Variants in FGD3 observed in about 807,000 individuals in gnomAD.
The protein encoded by FGD3 is FYVE, RhoGEF and PH domain containing 3, also known as FYVE, RhoGEF and PH domain-containing protein 3.
In FGD3, 45 loss-of-function variants were observed where a neutral mutation model predicts 71.8. The observed-to-expected ratio is 0.63, with a 90% confidence interval of 0.49 to 0.80. The LOEUF is 0.80. FGD3 is among the 30% of genes least tolerant of loss of function. The pLI, the probability that FGD3 is intolerant of heterozygous loss-of-function variation, is 0.00. For missense variants in FGD3, 844 were observed against 951.5 expected (o/e 0.89, Z 1.49); for synonymous variants, 378 against 392.8 (o/e 0.96, Z 0.44).
At chr9:92,959,126 ATTT>A (rs1049232077) in intron 1 of FGD3, among the ~76,000 whole-genome samples, 1 of 151,848 alleles carries the variant, frequency 6.6e-6, no homozygotes, top group African/African-American at 2.4e-5. Context: ...TGCCTGGCTA[ATTT>A]TTTGTATTTT....
chr9:92,983,386 G>A (rs1345940742), intron 3 of FGD3, among the ~76,000 whole-genome samples: 2 of 151,014 alleles, frequency 1.3e-5, no homozygotes, highest in Non-Finnish European at 3.0e-5. Flanking sequence ...TTAGCCAGGC[G>A]AGGTGGCGGG....
intron 3 of FGD3, among the ~76,000 whole-genome samples, chr9:92,981,386 A>G (rs966049155): frequency 4.1e-5 from 6 of 146,462 alleles, no homozygotes; most frequent in Non-Finnish European, 9.0e-5. Flanking sequence ...AAAAAAAAAG[A>G]AAAAAAAGAA....
intron 1 of FGD3, among the ~76,000 whole-genome samples, chr9:92,961,271 T>G (rs1180293037): frequency 1.3e-5 from 2 of 152,144 alleles, no homozygotes; most frequent in Non-Finnish European, 2.9e-5. Flanking sequence ...AGCAGCACCC[T>G]TGAGGGACAG....
rs138536292 is a variant in FGD3, at chr9:92,961,816, G to T, written c.-217-13422G>T. On this transcript the variant is annotated intron_variant, in intron 1 of 17. Coordinates refer to ENST00000375482, the MANE Select transcript of FGD3 (RefSeq NM_001083536.2). ...CTGGGGCCTTAGTTCCTCTCCGCATGGGCCTCTCTGCAGGGCTGCTTGAGC... is the reference window on the plus strand; with the variant it reads ...CTGGGGCCTTAGTTCCTCTCCGCATTGGCCTCTCTGCAGGGCTGCTTGAGC... Among the ~76,000 whole-genome samples, 7 of 152,310 alleles carry T rather than the reference G, an allele frequency of 4.6e-5. No individual in the cohort carries two copies. The East Asian group carries it at 1.4e-3, about 29-fold the overall frequency.
chr9:92,967,305 AT>A lies in FGD3; in HGVS notation c.-217-7931del, dbSNP rs147474395. The stretch of plus-strand genomic sequence containing the variant: ...GTGATCAGTACAGTGCCCTCAGCAC[AT>A]TCATATTGCTGTGCAACCATCACTG... On this transcript the variant is annotated intron_variant, in intron 1 of 17. Coordinates refer to ENST00000375482, the MANE Select transcript of FGD3 (RefSeq NM_001083536.2). Among the ~76,000 whole-genome samples, 2,494 of 152,158 alleles carry A rather than the reference AT, an allele frequency of 0.016. 283 individuals carry two copies. The East Asian group carries it at 0.32, about 20-fold the overall frequency.
At chr9:92,992,622 C>T (rs1399564858) in intron 3 of FGD3, among the ~76,000 whole-genome samples, 1 of 152,048 alleles carries the variant, frequency 6.6e-6, no homozygotes, top group East Asian at 1.9e-4. Context: ...CTCTATGCAT[C>T]TGGGGTTGTG....
intron 3 of FGD3, among the ~76,000 whole-genome samples, chr9:92,981,368 C>CAAAAAAAAA (rs11454338): frequency 4.5e-5 from 5 of 111,740 alleles, no homozygotes; most frequent in Middle Eastern, 4.2e-3. Flanking sequence ...ATTCCATCTC[C>CAAAAAAAAA]AAAAAAAAAA....
chr9:92,982,700 A>G (rs1003576986), intron 3 of FGD3, among the ~76,000 whole-genome samples: 1 of 151,942 alleles, frequency 6.6e-6, no homozygotes, highest in African/African-American at 2.4e-5. Context: ...AAGAGTCCTG[A>G]AAGTTTTTCC....
chr9:93,005,916 C>A, intron 5 of FGD3, 108 bp from the exon 6 acceptor site: 2 of 1,279,792 alleles, frequency 1.6e-6, no homozygotes, highest in Non-Finnish European at 2.1e-6. Context: ...CTCACCATCA[C>A]ACAGAGCTGG....
chr9:92,977,160 G>T (rs987995230), intron 3 of FGD3, among the ~76,000 whole-genome samples: 2 of 152,204 alleles, frequency 1.3e-5, no homozygotes, highest in African/African-American at 4.8e-5. Flanking sequence ...TCACCTATGG[G>T]GTGTGGCACA....
At chr9:92,983,643 G>A (rs1367949201) in intron 3 of FGD3, among the ~76,000 whole-genome samples, 1 of 152,180 alleles carries the variant, frequency 6.6e-6, no homozygotes, top group Non-Finnish European at 1.5e-5. Flanking sequence ...TTTATAAGGA[G>A]CAGAATAATG....
intron 1 of FGD3, among the ~76,000 whole-genome samples, chr9:92,953,617 C>T (rs1242800497): frequency 1.3e-5 from 2 of 152,186 alleles, no homozygotes; most frequent in Non-Finnish European, 2.9e-5. Context: ...GGTGAAGGGG[C>T]TCACACAATG....
intron 15 of FGD3, 112 bp from the exon 16 acceptor site, chr9:93,032,657 T>A: frequency 1.1e-6 from 1 of 946,354 alleles, no homozygotes. Context: ...CCACACTGTG[T>A]TAAGTCTCCT....
Position 92,976,666 on chromosome 9 carries a change from A to G in FGD3, c.410A>G (p.Glu137Gly), listed in dbSNP as rs747688616. 1 of 1,609,280 alleles carries G rather than the reference A, an allele frequency of 6.2e-7. No homozygotes were observed. The highest frequency in any genetic ancestry group is 1.1e-5 in the South Asian group (1 of 90,466). ...DSDVGEEPDS[E>G]NTPQKADKDA... ...GACGTGGGTGAGGAACCTGACTCTG[A>G]GAACACCCCCCAGAAGGCTGACAAG... The change falls in exon 3 of 18, where the codon GAG (glutamate) becomes GGG (glycine). Residue 137 changes from glutamate to glycine, a missense_variant. Physicochemically the swap from Glu to Gly is moderately conservative, Grantham distance 98. Transcript: ENST00000375482.
At chr9:93,033,312 T>G (rs1304159767) in intron 16 of FGD3, 1 of 227,834 alleles carries the variant, frequency 4.4e-6, no homozygotes, top group East Asian at 1.1e-4. Context: ...CTTCTCCTCC[T>G]CCTCCCCGTC....
rs1020768139 is a variant in FGD3, at chr9:93,023,429, G to A, written c.1557+1040G>A. 4.6e-5 allele frequency among the ~76,000 whole-genome samples: 7 copies of A among 152,310 alleles called. No individual in the cohort carries two copies. In the East Asian group the frequency reaches 9.6e-4, roughly 21 times the overall value. On this transcript the variant is annotated intron_variant, in intron 14 of 17. Transcript: ENST00000375482. Reference sequence around the variant, plus strand: ...GGGGGGCTTGCACATACATCCCAACGGGCAAGAGGAGAGACCCCAGATTCA... The same window carrying A: ...GGGGGGCTTGCACATACATCCCAACAGGCAAGAGGAGAGACCCCAGATTCA...
At chr9:93,027,812 C>G (rs1213205954) in intron 14 of FGD3, among the ~76,000 whole-genome samples, 3 of 150,740 alleles carry the variant, frequency 2.0e-5, no homozygotes, top group African/African-American at 7.3e-5. Context: ...CTTGACCTCC[C>G]AGGCTCAAGC....
intron 3 of FGD3, among the ~76,000 whole-genome samples, chr9:92,995,068 A>T (rs1197916812): frequency 6.6e-6 from 1 of 152,178 alleles, no homozygotes. Flanking sequence ...CTTGGTCAGT[A>T]TGGCCATTTT....
chr9:92,989,730 C>G (rs1860330009), intron 3 of FGD3, among the ~76,000 whole-genome samples: 2 of 152,144 alleles, frequency 1.3e-5, no homozygotes, highest in South Asian at 4.1e-4. Context: ...TAAATCGGCA[C>G]TTTACATAAG....
Sources: allele counts gnomAD v4.1 joint callset (sites outside exome capture counted in the v4.1 genomes callset), GRCh38; gene constraint gnomAD v4.1.1; transcripts MANE v1.5; gene names NCBI Gene and HGNC (gene_info 2026-07-23, HGNC 2026-07-21).